ATXN7: variants seen among roughly 807,000 people sequenced by gnomAD.
ATXN7 encodes ataxin-7.
Under a neutral mutation model 70.5 loss-of-function variants are expected in ATXN7, and 12 were observed. The observed-to-expected ratio is 0.17, with a 90% confidence interval of 0.11 to 0.28. The LOEUF is 0.28. Ranked by LOEUF, ATXN7 falls within the 10% of genes least tolerant of loss-of-function variation. ATXN7 has a pLI of 1.00. For missense variants in ATXN7, 1,256 were observed against 1,131.7 expected (o/e 1.11, Z -1.58); for synonymous variants, 498 against 448.7 (o/e 1.11, Z -1.39).
In ATXN7 at chr3:64,001,156, A is replaced by T. The variant is rs1171259876; in HGVS notation, c.*1689A>T. ...GCCTAATAATGTGAATTGCTACAGA[A>T]TTATTCTTATTATGTAAGAAAACAA... On this transcript the variant is annotated 3_prime_UTR_variant, in exon 13 of 13. Coordinates refer to ENST00000674280, the MANE Select transcript of ATXN7 (RefSeq NM_001377405.1). 1 of 152,184 alleles carries T rather than the reference A, an allele frequency of 6.6e-6. No individual in the cohort carries two copies. Among genetic ancestry groups the T allele is most frequent in the African/African-American group, 2.4e-5 (1 of 41,446 alleles). 9.4% of individuals were successfully genotyped at this position (152,184 alleles called of 1,614,324 possible). A position where few individuals can be genotyped will look rare whatever the true frequency, so the allele number is the denominator to read the frequency against.
At chr3:63,884,643 T>C (rs1401873473) in intron 1 of ATXN7, among the ~76,000 whole-genome samples, 2 of 151,878 alleles carry the variant, frequency 1.3e-5, no homozygotes, top group African/African-American at 4.8e-5. Context: ...AATCTTTTTT[T>C]TTTTCTTTCT....
chr3:63,879,402 A>G lies in ATXN7; in HGVS notation c.-111+15244A>G, dbSNP rs533927277. Among the ~76,000 whole-genome samples, 271 of 152,212 alleles carry G rather than the reference A, an allele frequency of 1.8e-3. 1 individual carries two copies. Among genetic ancestry groups the G allele is most frequent in the Non-Finnish European group, 2.7e-3 (186 of 68,010 alleles). ...AAATATAAAACTTGTACTTTTAATG[A>G]CACATTGCTGAAATGTGTTTTTTAT... On this transcript the variant is annotated intron_variant, in intron 1 of 12. Coordinates refer to ENST00000674280, the MANE Select transcript of ATXN7 (RefSeq NM_001377405.1).
At chr3:63,913,258 A>G (rs1281692387) in intron 4 of ATXN7, 33 bp downstream of exon 4, 2 of 1,594,538 alleles carry the variant, frequency 1.3e-6, no homozygotes, top group Non-Finnish European at 1.7e-6. Flanking sequence ...AGTTTGTACA[A>G]ACCCCTGGGA....
At chr3:63,909,421 A>C (rs932517514) in intron 2 of ATXN7, among the ~76,000 whole-genome samples, 13 of 152,252 alleles carry the variant, frequency 8.5e-5, no homozygotes, top group Admixed American at 2.6e-4. Flanking sequence ...CATACACACA[A>C]AAAAAATTTA....
intron 12 of ATXN7, chr3:63,999,176 A>G (rs2075805251): frequency 5.1e-6 from 2 of 394,464 alleles, no homozygotes; most frequent in Non-Finnish European, 9.4e-6. Context: ...AAAGGCAAAC[A>G]TAAGAGCCTT....
chr3:63,892,374 CCACACACA>C (rs56293497), intron 1 of ATXN7, among the ~76,000 whole-genome samples: 1,546 of 133,472 alleles, frequency 0.012, 26 homozygotes, highest in African/African-American at 0.038. Flanking sequence ...GACACCTCTA[CCACACACA>C]CACACACACA....
intron 5 of ATXN7, among the ~76,000 whole-genome samples, chr3:63,973,783 T>TA (rs2075351862): frequency 2.0e-5 from 3 of 151,864 alleles, no homozygotes; most frequent in Admixed American, 1.3e-4. Context: ...GAGAGGGGAA[T>TA]AATTCCCCCA....
chr3:63,974,062 G>A (rs987643509), intron 5 of ATXN7, among the ~76,000 whole-genome samples: 7 of 152,056 alleles, frequency 4.6e-5, no homozygotes, highest in East Asian at 1.9e-4. Context: ...AACTGTCTTC[G>A]ACTTGGAGGT....
chr3:63,912,815 G>A lies in ATXN7; in HGVS notation c.217G>A (p.Ala73Thr), dbSNP rs1370662395. 6 of 1,565,802 alleles carry A rather than the reference G, an allele frequency of 3.8e-6. No individual in the cohort carries two copies. Among genetic ancestry groups the A allele is most frequent in the Non-Finnish European group, 5.2e-6 (6 of 1,159,152 alleles). Residue 73 changes from alanine (A) to threonine (T), a missense_variant, in exon 3 of 13, where the codon GCC (alanine) becomes ACC (threonine). Ala to Thr is a moderately conservative substitution (Grantham distance 58). Coordinates refer to ENST00000674280, the MANE Select transcript of ATXN7 (RefSeq NM_001377405.1). ...GGPGAASTSA[A>T]AMATVGERRP... is the part of the protein sequence containing the mutation. The stretch of plus-strand genomic sequence containing the variant: ...GCCCGGCGCCGCCTCCACCTCGGCC[G>A]CCGCAATGGCGACGGTCGGGGAGCG...
chr3:63,987,813 T>C (rs1289643623), intron 8 of ATXN7, among the ~76,000 whole-genome samples: 5 of 152,084 alleles, frequency 3.3e-5, no homozygotes, highest in Non-Finnish European at 7.4e-5. Flanking sequence ...CTCACATATC[T>C]TTTTTCTTCT....
At chr3:63,989,646 T>G (rs2075636405) in intron 9 of ATXN7, among the ~76,000 whole-genome samples, 1 of 152,096 alleles carries the variant, frequency 6.6e-6, no homozygotes, top group Admixed American at 6.5e-5. Flanking sequence ...AATCTAGAGA[T>G]TATTTAAAGT....
intron 4 of ATXN7, among the ~76,000 whole-genome samples, chr3:63,941,996 C>T (rs780493528): frequency 2.0e-5 from 3 of 152,224 alleles, no homozygotes; most frequent in Non-Finnish European, 4.4e-5. Flanking sequence ...CAGCCTTCCT[C>T]TTCTCTCTGG....
At chr3:63,891,910 TAATGA>T (rs544212281) in intron 1 of ATXN7, among the ~76,000 whole-genome samples, 177 of 152,330 alleles carry the variant, frequency 1.2e-3, no homozygotes, top group African/African-American at 4.0e-3. Flanking sequence ...CGAGCATTAT[TAATGA>T]AAACTACATT....
chr3:63,984,223 C>A (rs1011901488), intron 8 of ATXN7, among the ~76,000 whole-genome samples: 22 of 150,208 alleles, frequency 1.5e-4, no homozygotes, highest in African/African-American at 3.9e-4. Flanking sequence ...AAAAAAAAAA[C>A]CACGGTCCAT....
rs922721672 is a variant in ATXN7, at chr3:63,864,072, C to A, written c.-197C>A. Among the ~76,000 whole-genome samples the A allele has an allele frequency of 1.4e-5, 2 of 145,752 alleles. No homozygotes were observed. The highest frequency in any genetic ancestry group is 1.4e-4 in the Admixed American group (2 of 14,720). On this transcript the variant is annotated 5_prime_UTR_variant, in exon 1 of 13. The change creates a new upstream start codon in the 5' untranslated region. Transcript: ENST00000674280. ...GCTTGGCGGCCGGCGGCGGCCCCGG[C>A]TGCAGCCCGGGCTCCCGCCGCCCCC...
At chr3:63,907,156 T>A (rs966769613) in intron 2 of ATXN7, among the ~76,000 whole-genome samples, 7 of 152,234 alleles carry the variant, frequency 4.6e-5, no homozygotes, top group Non-Finnish European at 1.0e-4. Context: ...CTTGTTTTAC[T>A]CATTTTATAG....
chr3:63,990,030 C>G, intron 9 of ATXN7, 146 bp from the exon 10 acceptor site: 5 of 702,230 alleles, frequency 7.1e-6, no homozygotes, highest in Non-Finnish European at 7.0e-6. Flanking sequence ...TCCCAAGCCA[C>G]CTGGATCAGC....
At chr3:63,889,800 G>C (rs1703200096) in intron 1 of ATXN7, among the ~76,000 whole-genome samples, 1 of 152,304 alleles carries the variant, frequency 6.6e-6, no homozygotes, top group East Asian at 1.9e-4. Flanking sequence ...TGTCAGGACA[G>C]ATTTTTATGA....
intron 5 of ATXN7, among the ~76,000 whole-genome samples, chr3:63,958,985 C>G (rs139343305): frequency 3.9e-5 from 6 of 152,296 alleles, no homozygotes; most frequent in African/African-American, 1.2e-4. Context: ...GACAGATGTT[C>G]TAGCTGAAGT....
Sources: allele counts gnomAD v4.1 joint callset (sites outside exome capture counted in the v4.1 genomes callset), GRCh38; gene constraint gnomAD v4.1.1; transcripts MANE v1.5; gene names NCBI Gene and HGNC (gene_info 2026-07-23, HGNC 2026-07-21).